DUSP5: variants seen among roughly 807,000 people sequenced by gnomAD.
The protein encoded by DUSP5 is dual specificity phosphatase 5.
A neutral mutation model predicts 33.6 loss-of-function variants in DUSP5; 22 were observed. The observed-to-expected ratio is 0.66, with a 90% CI of 0.47 to 0.94. The LOEUF (loss-of-function observed/expected upper bound fraction) is 0.94, where lower values mean the gene tolerates loss of function less well. Ranked by LOEUF, DUSP5 falls within the 40% of genes least tolerant of loss-of-function variation. The probability of loss-of-function intolerance (pLI) is 0.00; values close to 1 mark genes in which losing one functional copy is unlikely to be tolerated. For synonymous variants in DUSP5, 270 were observed against 231.1 expected, an observed-to-expected ratio of 1.17 and a Z score of -1.53; for missense variants, 551 against 522.1, an observed-to-expected ratio of 1.06 and a Z score of -0.54.
Position 110,498,379 on chromosome 10 carries a change from G to A in DUSP5, c.258G>A (p.Val86=). Residue 86 remains valine (V), a synonymous_variant, in exon 1 of 4, where the codon GTG becomes GTA. Transcript: ENST00000369583. ...AGGGCGGCGGCGGCGTCGCGGCCGT[G>A]GTGGTGCTGGACCAGGGCAGCCGCC... The part of the protein sequence containing the change: ...LQEGGGGVAA[V]VVLDQGSRHW... 6.9e-7 allele frequency: 1 copy of A among 1,445,940 alleles called. No homozygotes were observed. The highest frequency in any genetic ancestry group is 9.1e-7 in the Non-Finnish European group (1 of 1,100,304). 89.6% of individuals were successfully genotyped at this position (1,445,940 alleles called of 1,614,324 possible).
rs566250674 is a variant in DUSP5, at chr10:110,498,109, C to A, written c.-13C>A. On this transcript the variant is annotated 5_prime_UTR_variant, in exon 1 of 4. Transcript: ENST00000369583. ...CGCGCGGCGCGGGGCCGCTGGCCGG[C>A]GGCGGCGGCGGCATGAAGGTCACGT... is the stretch of plus-strand genomic sequence containing the variant. The A allele has an allele frequency of 7.6e-7, 1 of 1,309,532 alleles. No individual in the cohort carries two copies. Among genetic ancestry groups the A allele is most frequent in the Non-Finnish European group, 9.7e-7 (1 of 1,028,082 alleles). The allele number at this position is 1,309,532 out of a possible 1,614,324, so 81.1% of individuals were successfully genotyped here. A position where few individuals can be genotyped will look rare whatever the true frequency, so the allele number is the denominator to read the frequency against.
intron 1 of DUSP5, among the ~76,000 whole-genome samples, chr10:110,501,289 C>T (rs1179869305): frequency 1.3e-5 from 2 of 152,176 alleles, no homozygotes; most frequent in African/African-American, 4.8e-5. Context: ...GCACCTCTGC[C>T]GTGGCCTCCC....
At chr10:110,502,631 C>T (rs1307420570) in intron 1 of DUSP5, 90 bp from the exon 2 acceptor site, 20 of 1,456,880 alleles carry the variant, frequency 1.4e-5, no homozygotes, top group Admixed American at 1.4e-4. Flanking sequence ...AACTGTGTAA[C>T]ACTCAGAGTA....
chr10:110,510,318 G>A lies in DUSP5; in HGVS notation c.1047G>A (p.Met349Ile), dbSNP rs750324864. 4.3e-6 allele frequency: 7 copies of A among 1,614,198 alleles called. No homozygotes were observed. In the East Asian group the frequency reaches 1.1e-4, roughly 26 times the overall value. The stretch of plus-strand genomic sequence containing the variant: ...ATTTGCAGACACTGAGCCCTGACAT[G>A]CAGGGTGCCTACTGCACATTCCCTG... Reference protein sequence around the residue: ...IGHLQTLSPDMQGAYCTFPAS... With the variant: ...IGHLQTLSPDIQGAYCTFPAS... Residue 349 changes from methionine to isoleucine, a missense_variant, in exon 4 of 4, where the codon ATG (methionine) becomes ATA (isoleucine). Met to Ile is a conservative substitution (Grantham distance 10). This residue lies in a region of DUSP5 where 158 missense variants were observed against 181.8 expected (regional missense o/e 0.87). Coordinates refer to ENST00000369583, the MANE Select transcript of DUSP5 (RefSeq NM_004419.4).
At chr10:110,504,494 A>G (rs1409162475) in intron 2 of DUSP5, among the ~76,000 whole-genome samples, 1 of 152,224 alleles carries the variant, frequency 6.6e-6, no homozygotes, top group Non-Finnish European at 1.5e-5. Context: ...CCAGGCACTC[A>G]GGAGAGGAAG....
In DUSP5 at chr10:110,502,719, A is replaced by AG; in HGVS notation, c.383dup. On this transcript the variant is annotated splice_acceptor_variant, in intron 1 of 3. Coordinates refer to ENST00000369583, the MANE Select transcript of DUSP5 (RefSeq NM_004419.4). LOFTEE classifies it high-confidence loss of function. Reference sequence around the variant, plus strand: ...GTCTCACCTTTTTGTTTGTTTTTGTAGGGGGATATGAGACTTTCTACTCGG... The same window carrying AG: ...GTCTCACCTTTTTGTTTGTTTTTGTAGGGGGGATATGAGACTTTCTACTCGG... The AG allele has an allele frequency of 6.2e-7, 1 of 1,612,216 alleles. No individual in the cohort carries two copies. Among genetic ancestry groups the AG allele is most frequent in the Non-Finnish European group, 8.5e-7 (1 of 1,179,010 alleles).
chr10:110,498,295 C>T lies in DUSP5; in HGVS notation c.174C>T (p.Gly58=), dbSNP rs762408672. The T allele has an allele frequency of 6.2e-6, 9 of 1,442,254 alleles. No individual in the cohort carries two copies. The African/African-American group carries it at 1.2e-4, about 19-fold the overall frequency. 89.3% of individuals were successfully genotyped at this position (1,442,254 alleles called of 1,614,324 possible). The change falls in exon 1 of 4, where the codon GGC becomes GGT. Residue 58 remains glycine, a synonymous_variant. Transcript: ENST00000369583. The part of the protein sequence containing the change: ...NSVVLRRARG[G]AVSARYVLPD... ...TGGTGCTGCGGCGGGCCCGGGGCGGCGCGGTGTCGGCGCGCTACGTGCTGC... is the reference window on the plus strand; with the variant it reads ...TGGTGCTGCGGCGGGCCCGGGGCGGTGCGGTGTCGGCGCGCTACGTGCTGC...
At chr10:110,501,901 G>A (rs936295412) in intron 1 of DUSP5, among the ~76,000 whole-genome samples, 2 of 150,918 alleles carry the variant, frequency 1.3e-5, no homozygotes, top group Admixed American at 1.3e-4. Flanking sequence ...TATCCATTTG[G>A]AGAGGTGTAA....
chr10:110,505,318 G>C (rs1267650987), intron 2 of DUSP5, among the ~76,000 whole-genome samples: 4 of 152,170 alleles, frequency 2.6e-5, no homozygotes, highest in Non-Finnish European at 5.9e-5. Flanking sequence ...CGTAAAATGG[G>C]AATAATGTTA....
rs1184812311 is a variant in DUSP5, at chr10:110,510,002, A to G, written c.749-18A>G. Reference sequence around the variant, plus strand: ...ATTCTAATCCCAACTCACTCCCACCATCTTTTCTTCCTTCCAGACTGTGTC... The same window carrying G: ...ATTCTAATCCCAACTCACTCCCACCGTCTTTTCTTCCTTCCAGACTGTGTC... On this transcript the variant is annotated intron_variant, in intron 3 of 3. Transcript: ENST00000369583. The G allele has an allele frequency of 2.6e-6, 4 of 1,562,718 alleles. No individual in the cohort carries two copies. In the Admixed American group the frequency reaches 7.4e-5, roughly 29 times the overall value.
Position 110,510,829 on chromosome 10 carries a change from T to C in DUSP5, c.*403T>C. 5.9e-6 allele frequency: 1 copy of C among 170,638 alleles called. No homozygotes were observed. 10.6% of individuals were successfully genotyped at this position (170,638 alleles called of 1,614,324 possible). On this transcript the variant is annotated 3_prime_UTR_variant, in exon 4 of 4. Transcript: ENST00000369583. ...CAATTCATTTTGAAGGAAGCACAAT[T>C]TCCACCTTATTTTTTGAACTTTGGC...
At position 110,498,454 on chromosome 10, in the gene DUSP5, G is replaced by T. The variant is rs759547782; in HGVS notation, c.333G>T (p.Ser111=). Residue 111 remains serine (S), a synonymous_variant, in exon 1 of 4, where the codon TCG becomes TCT. Coordinates refer to ENST00000369583, the MANE Select transcript of DUSP5 (RefSeq NM_004419.4). The part of the protein sequence containing the change: ...EESAARVVLT[S]LLACLPAGPR... ...GCGCCGCGCGTGTCGTCCTCACCTC[G>T]CTACTCGCTTGCCTACCCGCCGGCC... The T allele has an allele frequency of 1.3e-6, 2 of 1,542,156 alleles. No homozygotes were observed. Among genetic ancestry groups the T allele is most frequent in the Non-Finnish European group, 1.7e-6 (2 of 1,153,154 alleles).
At position 110,498,392 on chromosome 10, in the gene DUSP5, C is replaced by A; in HGVS notation, c.271C>A (p.Gln91Lys). The change falls in exon 1 of 4, where the codon CAG becomes AAG. Residue 91 changes from glutamine (Q) to lysine (K), a missense_variant. Gln to Lys is a moderately conservative substitution (Grantham distance 53, BLOSUM62 1). Around this residue, in one of 3 missense-constraint regions of DUSP5, gnomAD observed 381 missense variants for 310.4 expected, o/e 1.23. Coordinates refer to ENST00000369583, the MANE Select transcript of DUSP5 (RefSeq NM_004419.4). ...GGVAAVVVLDQGSRHWQKLRE... is the reference protein window; with the variant it reads ...GGVAAVVVLDKGSRHWQKLRE... ...CGTCGCGGCCGTGGTGGTGCTGGAC[C>A]AGGGCAGCCGCCACTGGCAGAAGCT... is the stretch of plus-strand genomic sequence containing the variant. 6.7e-7 allele frequency: 1 copy of A among 1,493,016 alleles called. No individual in the cohort carries two copies. The highest frequency in any genetic ancestry group is 1.4e-5 in the African/African-American group (1 of 69,674). The allele number at this position is 1,493,016 out of a possible 1,614,324, so 92.5% of individuals were successfully genotyped here. A position where few individuals can be genotyped will look rare whatever the true frequency, so the allele number is the denominator to read the frequency against.
chr10:110,510,077 G>A lies in DUSP5; in HGVS notation c.806G>A (p.Arg269His), dbSNP rs765810015. 3.1e-6 allele frequency: 5 copies of A among 1,613,900 alleles called. No homozygotes were observed. The highest frequency in any genetic ancestry group is 4.2e-6 in the Non-Finnish European group (5 of 1,179,836). Residue 269 changes from arginine to histidine, a missense_variant, in exon 4 of 4, where the codon CGT (arginine) becomes CAT (histidine). Around this residue, in one of 3 missense-constraint regions of DUSP5, gnomAD observed 158 missense variants for 181.8 expected, o/e 0.87. Transcript: ENST00000369583. Reference sequence around the variant, plus strand: ...GTCCACTGTGAGGCTGGGATCTCCCGTTCACCCACCATCTGCATGGCTTAC... The same window carrying A: ...GTCCACTGTGAGGCTGGGATCTCCCATTCACCCACCATCTGCATGGCTTAC... ...VLVHCEAGIS[R>H]SPTICMAYLM... is the part of the protein sequence containing the mutation.
chr10:110,508,426 G>A (rs148130073), intron 3 of DUSP5, among the ~76,000 whole-genome samples: 1 of 152,246 alleles, frequency 6.6e-6, no homozygotes, highest in African/African-American at 2.4e-5. Context: ...CATCCTGTGT[G>A]TGTATTGTGT....
At chr10:110,500,330 CCATGTGCTCTTG>C (rs1403200457) in intron 1 of DUSP5, among the ~76,000 whole-genome samples, 1 of 152,204 alleles carries the variant, frequency 6.6e-6, no homozygotes, top group African/African-American at 2.4e-5. Context: ...ATGTCCTTCT[CCATGTGCTCTTG>C]CGTGTGCAGT....
intron 2 of DUSP5, among the ~76,000 whole-genome samples, chr10:110,506,294 T>C (rs1231450819): frequency 2.6e-5 from 4 of 152,124 alleles, no homozygotes; most frequent in East Asian, 1.9e-4. Flanking sequence ...TAGCCAGGCA[T>C]GGTGGTACAT....
At chr10:110,498,530 C>A in intron 1 of DUSP5, 30 bp downstream of exon 1, 2 of 1,428,198 alleles carry the variant, frequency 1.4e-6, no homozygotes, top group Admixed American at 2.8e-5. Flanking sequence ...GCCACGCTCG[C>A]CCCTCCGGCG....
In DUSP5 at chr10:110,509,976, G is replaced by T. The variant is rs764839233; in HGVS notation, c.749-44G>T. On this transcript the variant is annotated intron_variant, in intron 3 of 3. Coordinates refer to ENST00000369583, the MANE Select transcript of DUSP5 (RefSeq NM_004419.4). ...TTCTTGTGTTTTGCCATTGCCCTTA[G>T]ATTCTAATCCCAACTCACTCCCACC... 7 of 1,536,256 alleles carry T rather than the reference G, an allele frequency of 4.6e-6. No homozygotes were observed. The East Asian group carries it at 1.6e-4, about 35-fold the overall frequency.
Sources: gnomAD v4.1 joint callset for allele counts (sites outside exome capture counted in the v4.1 genomes callset) on GRCh38, gnomAD v4.1.1 for gene constraint, gnomAD v4.1.1 regional missense constraint, MANE v1.5 for transcripts, NCBI Gene and HGNC (gene_info 2026-07-23, HGNC 2026-07-21) for gene names.